The following CPS1 variants were observed in gnomAD, a reference collection of about 807,000 sequenced individuals.
The protein encoded by CPS1 is carbamoyl-phosphate synthase 1.
In CPS1, 109 loss-of-function variants were observed where a neutral mutation model predicts 174.6. The observed-to-expected ratio is 0.62, with a 90% CI of 0.53 to 0.73. The LOEUF is 0.73. Ranked by LOEUF, CPS1 falls within the 30% of genes least tolerant of loss-of-function variation. The probability of loss-of-function intolerance (pLI) is 0.00; values close to 1 mark genes in which losing one functional copy is unlikely to be tolerated. For synonymous variants in CPS1, 637 were observed against 632.0 expected (o/e 1.01, Z -0.12); for missense variants, 1,689 against 1,821.9 (o/e 0.93, Z 1.33).
At chr2:210,534,488 C>A (rs1696196528) in intron 1 of CPS1, among the ~76,000 whole-genome samples, 1 of 152,154 alleles carries the variant, frequency 6.6e-6, no homozygotes, top group South Asian at 2.1e-4. Context: ...CCCACTGTGG[C>A]AGTTATCGGC....
intron 1 of CPS1, 128 bp downstream of exon 1, chr2:210,556,987 C>G: frequency 9.0e-7 from 1 of 1,113,448 alleles, no homozygotes; most frequent in Non-Finnish European, 1.3e-6. Flanking sequence ...ATTAATGTTT[C>G]CTTTACTGTG....
chr2:210,649,529 T>G (rs1474377456), intron 27 of CPS1, among the ~76,000 whole-genome samples: 1 of 152,190 alleles, frequency 6.6e-6, no homozygotes, highest in Non-Finnish European at 1.5e-5. Context: ...GATATATAAA[T>G]AACTTGATTG....
intron 1 of CPS1, among the ~76,000 whole-genome samples, chr2:210,528,241 C>T (rs924357081): frequency 4.6e-5 from 7 of 151,656 alleles, no homozygotes; most frequent in Non-Finnish European, 7.4e-5. Context: ...TTTACCCCAC[C>T]GCAGAAAACA....
chr2:210,494,389 T>G (rs1694940254), intron 1 of CPS1, among the ~76,000 whole-genome samples: 1 of 152,182 alleles, frequency 6.6e-6, no homozygotes, highest in South Asian at 2.1e-4. Flanking sequence ...GTGGTGTGTA[T>G]AGAGACCTAA....
At chr2:210,577,550 G>A in intron 4 of CPS1, 40 bp downstream of exon 4, 1 of 1,423,988 alleles carries the variant, frequency 7.0e-7, no homozygotes, top group Non-Finnish European at 9.9e-7. Context: ...ACCTAAGGAA[G>A]GTTGAGAAGG....
chr2:210,524,089 T>G (rs1695907185), intron 1 of CPS1, among the ~76,000 whole-genome samples: 1 of 151,990 alleles, frequency 6.6e-6, no homozygotes. Context: ...AGGCACTCAA[T>G]GAACATAACT....
At chr2:210,539,435 A>G (rs60912056) in intron 1 of CPS1, among the ~76,000 whole-genome samples, 3 of 152,258 alleles carry the variant, frequency 2.0e-5, no homozygotes, top group African/African-American at 7.2e-5. Context: ...TATTTTATTT[A>G]TTTTTTAAAT....
chr2:210,614,532 C>T (rs1699237228), intron 20 of CPS1, among the ~76,000 whole-genome samples: 1 of 151,932 alleles, frequency 6.6e-6, no homozygotes, highest in South Asian at 2.1e-4. Flanking sequence ...TAAAAGTATT[C>T]CTATTTCTCA....
At chr2:210,660,421 A>G (rs1406702101) in intron 31 of CPS1, 64 bp from the exon 32 acceptor site, 2 of 1,470,732 alleles carry the variant, frequency 1.4e-6, no homozygotes, top group Non-Finnish European at 1.9e-6. Context: ...GGTAGAGAGA[A>G]TATTAATATT....
intron 21 of CPS1, among the ~76,000 whole-genome samples, chr2:210,634,980 G>A (rs1408771149): frequency 2.0e-5 from 3 of 152,032 alleles, no homozygotes; most frequent in African/African-American, 7.2e-5. Flanking sequence ...TGGAGTCTCC[G>A]TTGTCTGAGC....
intron 5 of CPS1, 28 bp downstream of exon 5, chr2:210,579,798 A>G (rs1361414792): frequency 1.3e-6 from 2 of 1,576,740 alleles, no homozygotes; most frequent in East Asian, 2.2e-5. Flanking sequence ...AGCCAAATCT[A>G]TGTTTCTTCG....
intron 14 of CPS1, 57 bp downstream of exon 14, chr2:210,599,618 A>G (rs527919636): frequency 1.3e-6 from 2 of 1,542,178 alleles, no homozygotes; most frequent in Non-Finnish European, 1.8e-6. Context: ...TGTGTAATGT[A>G]TTTTATTTGA....
intron 1 of CPS1, among the ~76,000 whole-genome samples, chr2:210,515,668 GT>G (rs1695663323): frequency 6.6e-6 from 1 of 151,444 alleles, no homozygotes; most frequent in Non-Finnish European, 1.5e-5. Flanking sequence ...TTTTGTTGAT[GT>G]TTTTTGTATA....
chr2:210,536,342 A>G (rs1356836133), intron 1 of CPS1, among the ~76,000 whole-genome samples: 68 of 128,706 alleles, frequency 5.3e-4, no homozygotes, highest in African/African-American at 2.0e-3. Context: ...TTTTTTTGAG[A>G]TGGAGTCTGG....
In CPS1 at chr2:210,479,351, A is replaced by T. The variant is rs1383537330; in HGVS notation, c.3+1585A>T. Reference sequence around the variant, plus strand: ...TTTCTTTTTTTTTTTTTTTTTTGAGACGGAGTCTCGCTCTGTTGCCAGGCT... The same window carrying T: ...TTTCTTTTTTTTTTTTTTTTTTGAGTCGGAGTCTCGCTCTGTTGCCAGGCT... On this transcript the variant is annotated intron_variant, in intron 1 of 38. Coordinates refer to the CPS1 transcript ENST00000430249. 9.3e-5 allele frequency among the ~76,000 whole-genome samples: 13 copies of T among 139,556 alleles called. No individual in the cohort carries two copies. In the East Asian group the frequency reaches 2.5e-3, roughly 27 times the overall value. The allele number at this position is 139,556 out of a possible 152,430, so 91.6% of individuals were successfully genotyped here.
At chr2:210,548,229 C>G (rs1696614958) in intron 1 of CPS1, among the ~76,000 whole-genome samples, 1 of 151,958 alleles carries the variant, frequency 6.6e-6, no homozygotes, top group African/African-American at 2.4e-5. Context: ...TATGTCTAAT[C>G]ATCATTTCAC....
chr2:210,599,571 T>TA lies in CPS1; in HGVS notation c.1549+11dup. Reference sequence around the variant, plus strand: ...ACAGCTCTGAACTGTGGTGAGTTCTTATAAGCTTAATTGCAGAGTTTTGAC... The same window carrying TA: ...ACAGCTCTGAACTGTGGTGAGTTCTTAATAAGCTTAATTGCAGAGTTTTGAC... On this transcript the variant is annotated intron_variant, in intron 14 of 37. Coordinates refer to ENST00000233072, the MANE Select transcript of CPS1 (RefSeq NM_001875.5). The TA allele has an allele frequency of 6.2e-7, 1 of 1,611,892 alleles. No individual in the cohort carries two copies. Among genetic ancestry groups the TA allele is most frequent in the Non-Finnish European group, 8.5e-7 (1 of 1,178,530 alleles).
At chr2:210,511,147 A>T (rs1695477719) in intron 1 of CPS1, among the ~76,000 whole-genome samples, 1 of 152,184 alleles carries the variant, frequency 6.6e-6, no homozygotes, top group Non-Finnish European at 1.5e-5. Context: ...TCCAACAATG[A>T]TAGACTGGAT....
intron 1 of CPS1, among the ~76,000 whole-genome samples, chr2:210,531,595 C>G (rs1696115771): frequency 6.6e-6 from 1 of 152,076 alleles, no homozygotes; most frequent in Admixed American, 6.6e-5. Flanking sequence ...GAGAGAATTT[C>G]TGGTAACTTT....
Sources: gnomAD v4.1 joint callset for allele counts (sites outside exome capture counted in the v4.1 genomes callset) on GRCh38, gnomAD v4.1.1 for gene constraint, MANE v1.5 for transcripts, NCBI Gene and HGNC (gene_info 2026-07-23, HGNC 2026-07-21) for gene names.